SLC24A2: variants seen among roughly 807,000 people sequenced by gnomAD.
SLC24A2 encodes solute carrier family 24 member 2, also known as sodium/potassium/calcium exchanger 2.
In SLC24A2, 36 loss-of-function variants were observed where a neutral mutation model predicts 62.0. That is an observed-to-expected ratio of 0.58 (90% CI 0.44 to 0.77). The LOEUF (loss-of-function observed/expected upper bound fraction) is 0.77. Among genes scored for constraint, SLC24A2 ranks in the 30% least tolerant of loss-of-function variants. The pLI is 0.00. For synonymous variants in SLC24A2, 358 were observed against 294.0 expected, an observed-to-expected ratio of 1.22 and a Z score of -2.23; for missense variants, 846 against 817.9, an observed-to-expected ratio of 1.03 and a Z score of -0.42.
At chr9:19,520,575 T>C (rs1362842592) in intron 10 of SLC24A2, among the ~76,000 whole-genome samples, 1 of 152,158 alleles carries the variant, frequency 6.6e-6, no homozygotes, top group African/African-American at 2.4e-5. Context: ...AACCTTCTTA[T>C]CATGAAGCTA....
the SLC24A2 span, among the ~76,000 whole-genome samples, chr9:19,850,035 T>TG: frequency 6.4e-3 from 973 of 151,478 alleles, 14 homozygotes; most frequent in South Asian, 0.035. Flanking sequence ...TTTTTTTTTT[T>TG]GTAGGATGAA....
At chr9:19,707,064 C>T (rs1343037886) in intron 2 of SLC24A2, among the ~76,000 whole-genome samples, 2 of 151,642 alleles carry the variant, frequency 1.3e-5, no homozygotes, top group East Asian at 1.9e-4. Context: ...TAAAAAATGA[C>T]AAAGGGGATA....
intron 8 of SLC24A2, among the ~76,000 whole-genome samples, chr9:19,536,057 A>T (rs1254659665): frequency 1.3e-5 from 2 of 150,936 alleles, no homozygotes; most frequent in African/African-American, 4.9e-5. Context: ...GGTCCTTCAC[A>T]TCCCTTGTAA....
chr9:19,934,739 G>T, the SLC24A2 span, among the ~76,000 whole-genome samples: 2 of 152,236 alleles, frequency 1.3e-5, no homozygotes. The surrounding 1 kb of genome is among the most constrained non-coding windows in gnomAD (Gnocchi z 4.1). Context: ...GAGTTGTAAA[G>T]CTCGGGAACT....
At chr9:19,526,476 A>C (rs1346790924) in intron 9 of SLC24A2, among the ~76,000 whole-genome samples, 1 of 152,162 alleles carries the variant, frequency 6.6e-6, no homozygotes, top group Non-Finnish European at 1.5e-5. Flanking sequence ...AGCAGTATGT[A>C]AGGATTCTAA....
chr9:20,142,798 G>T, the SLC24A2 span, among the ~76,000 whole-genome samples: 3 of 152,060 alleles, frequency 2.0e-5, no homozygotes, highest in Non-Finnish European at 4.4e-5. Context: ...GTTTCACCGT[G>T]TTGGTCAGGC....
At chr9:19,935,683 C>T in the SLC24A2 span, among the ~76,000 whole-genome samples, 1 of 152,152 alleles carries the variant, frequency 6.6e-6, no homozygotes, top group African/African-American at 2.4e-5. Flanking sequence ...CTGCCACTGA[C>T]GTTGCCTTTA....
At chr9:19,709,560 G>A (rs1487089610) in intron 2 of SLC24A2, among the ~76,000 whole-genome samples, 1 of 151,880 alleles carries the variant, frequency 6.6e-6, no homozygotes, top group African/African-American at 2.4e-5. Flanking sequence ...ATACACCATG[G>A]AATACTATGC....
chr9:19,560,559 C>T (rs778958573), intron 7 of SLC24A2, among the ~76,000 whole-genome samples: 11 of 152,160 alleles, frequency 7.2e-5, no homozygotes, highest in South Asian at 6.2e-4. Context: ...CAAACCAAAA[C>T]GGAAGCCCTT....
intron 5 of SLC24A2, among the ~76,000 whole-genome samples, chr9:19,589,590 A>G (rs1268457932): frequency 1.3e-5 from 2 of 152,238 alleles, no homozygotes; most frequent in Non-Finnish European, 2.9e-5. Flanking sequence ...ATATTTTTTC[A>G]TCATTTTAAA....
the SLC24A2 span, among the ~76,000 whole-genome samples, chr9:20,075,838 C>T: frequency 2.6e-5 from 4 of 152,186 alleles, no homozygotes; most frequent in Admixed American, 6.5e-5. Context: ...ACAGTCATCC[C>T]TCGGCATCCA....
At chr9:19,839,214 T>C in the SLC24A2 span, among the ~76,000 whole-genome samples, 1 of 152,312 alleles carries the variant, frequency 6.6e-6, no homozygotes, top group East Asian at 1.9e-4. Context: ...CCAGTTAGAA[T>C]GGCGATCATT....
the SLC24A2 span, among the ~76,000 whole-genome samples, chr9:20,135,636 A>G: frequency 6.6e-6 from 1 of 152,110 alleles, no homozygotes; most frequent in East Asian, 1.9e-4. Context: ...GTCTCCCCTT[A>G]AGTGATAACC....
the SLC24A2 span, among the ~76,000 whole-genome samples, chr9:20,226,695 T>C: frequency 6.6e-6 from 1 of 152,086 alleles, no homozygotes; most frequent in Non-Finnish European, 1.5e-5. Context: ...CACATTCATA[T>C]TCCTGTCTCG....
intron 7 of SLC24A2, among the ~76,000 whole-genome samples, chr9:19,563,859 TCCC>T (rs1835539887): frequency 9.6e-6 from 1 of 104,002 alleles, no homozygotes; most frequent in Admixed American, 1.1e-4. Flanking sequence ...CCTCCCTCCC[TCCC>T]TCCTTTCCTT....
chr9:20,098,210 G>A, the SLC24A2 span, among the ~76,000 whole-genome samples: 2 of 152,066 alleles, frequency 1.3e-5, no homozygotes, highest in African/African-American at 2.4e-5. Context: ...AACACTCAAG[G>A]TCATTCATTT....
the SLC24A2 span, among the ~76,000 whole-genome samples, chr9:20,168,183 G>C: frequency 1.3e-5 from 2 of 152,036 alleles, no homozygotes; most frequent in South Asian, 2.1e-4. Flanking sequence ...TAGTTATAGA[G>C]GATTGAAAGA....
At chr9:20,253,131 A>AGGAAAGTCTT in the SLC24A2 span, among the ~76,000 whole-genome samples, 1 of 152,208 alleles carries the variant, frequency 6.6e-6, no homozygotes, top group Non-Finnish European at 1.5e-5. Context: ...CTTGACTGTT[A>AGGAAAGTCTT]GATAGTTAGG....
At position 19,563,786 on chromosome 9, in the gene SLC24A2, T is replaced by TCC. The variant is rs1563968704; in HGVS notation, c.1347+9564_1347+9565insGG. 9.6e-3 allele frequency among the ~76,000 whole-genome samples: 392 copies of TCC among 40,892 alleles called. 58 individuals carry two copies. The highest frequency in any genetic ancestry group is 0.034 in the East Asian group (16 of 470). 26.8% of individuals were successfully genotyped at this position (40,892 alleles called of 152,430 possible). The stretch of plus-strand genomic sequence containing the variant: ...TTCATCTGTAACAAAACTGTTGGTT[T>TCC]TTATAATGACCCTTCCTTCCTTCCT... On this transcript the variant is annotated intron_variant, in intron 7 of 10. Transcript: ENST00000341998.
Sources: gnomAD v4.1 joint callset for allele counts (sites outside exome capture counted in the v4.1 genomes callset) on GRCh38, gnomAD v4.1.1 for gene constraint, Gnocchi (gnomAD v3.1) non-coding constraint, MANE v1.5 for transcripts, NCBI Gene and HGNC (gene_info 2026-07-23, HGNC 2026-07-21) for gene names.